The following CCDC158 variants were observed in gnomAD, a reference collection of about 807,000 sequenced individuals.
CCDC158 encodes coiled-coil domain-containing protein 158.
In CCDC158, 116 loss-of-function variants were observed where a neutral mutation model predicts 138.6. The observed-to-expected ratio is 0.84, with a 90% CI of 0.72 to 0.98. CCDC158 has a LOEUF of 0.98. Ranked by LOEUF, CCDC158 falls within the 50% of genes least tolerant of loss-of-function variation. The probability of loss-of-function intolerance (pLI) is 0.00; values close to 1 mark genes in which losing one functional copy is unlikely to be tolerated. For missense variants in CCDC158, 1,265 were observed against 1,306.1 expected, an observed-to-expected ratio of 0.97 and a Z score of 0.48; for synonymous variants, 436 against 442.4, an observed-to-expected ratio of 0.99 and a Z score of 0.18.
At chr4:76,357,594 TA>T in intron 13 of CCDC158, 68 bp from the exon 14 acceptor site, 1 of 979,818 alleles carries the variant, frequency 1.0e-6, no homozygotes. Context: ...AAGTATATTT[TA>T]TTTGTAATTA....
intron 18 of CCDC158, among the ~76,000 whole-genome samples, chr4:76,341,903 A>G (rs1722084338): frequency 6.6e-6 from 1 of 152,224 alleles, no homozygotes; most frequent in Non-Finnish European, 1.5e-5. Context: ...GACTAATGAA[A>G]TACAATAATA....
intron 22 of CCDC158, among the ~76,000 whole-genome samples, chr4:76,326,754 A>T (rs1233798003): frequency 6.6e-6 from 1 of 152,164 alleles, no homozygotes; most frequent in East Asian, 1.9e-4. Flanking sequence ...CAAAGTGAAG[A>T]AAAAAATGCC....
At position 76,396,519 on chromosome 4, in the gene CCDC158, C is replaced by T. The variant is rs9991062; in HGVS notation, c.71-33G>A. 8,610 of 1,546,228 alleles carry T rather than the reference C, an allele frequency of 5.6e-3. 385 individuals are homozygous for T. In the African/African-American group the frequency reaches 0.1, roughly 18 times the overall value. ...TTAAAGAATTCATTAATTAACTTTT[C>T]GTTTTTTTTGAGAAGGAGTTTCACT... is the stretch of plus-strand genomic sequence containing the variant. On this transcript the variant is annotated intron_variant, in intron 3 of 24. Transcript: ENST00000682701.
intron 2 of CCDC158, among the ~76,000 whole-genome samples, chr4:76,410,956 A>G (rs771914067): frequency 1.3e-5 from 2 of 152,220 alleles, no homozygotes; most frequent in Non-Finnish European, 2.9e-5. Context: ...TATACAGCTT[A>G]AAAGGTAAAA....
chr4:76,345,098 C>T (rs998191389), intron 18 of CCDC158: 6 of 1,251,940 alleles, frequency 4.8e-6, no homozygotes, highest in Admixed American at 1.7e-5. Flanking sequence ...AAATTGTTGC[C>T]GATGTCTATA....
chr4:76,408,904 T>C (rs1729061016), intron 2 of CCDC158, among the ~76,000 whole-genome samples: 2 of 152,224 alleles, frequency 1.3e-5, no homozygotes, highest in Non-Finnish European at 2.9e-5. Flanking sequence ...TGGTATCTCA[T>C]TGTGGTTTTG....
At chr4:76,319,549 A>G (rs1016102439) in intron 24 of CCDC158, among the ~76,000 whole-genome samples, 3 of 140,194 alleles carry the variant, frequency 2.1e-5, no homozygotes, top group African/African-American at 8.0e-5. Flanking sequence ...ACAACAAAAT[A>G]TTAGCTAACT....
At chr4:76,409,160 A>G (rs1242029333) in intron 2 of CCDC158, among the ~76,000 whole-genome samples, 1 of 152,130 alleles carries the variant, frequency 6.6e-6, no homozygotes, top group East Asian at 1.9e-4. Context: ...AATATTTGTA[A>G]TTCATTTTCA....
chr4:76,338,131 A>C (rs1429282337), intron 18 of CCDC158, among the ~76,000 whole-genome samples: 1 of 152,120 alleles, frequency 6.6e-6, no homozygotes, highest in East Asian at 1.9e-4. Context: ...TAGGTTGCAC[A>C]CTCCTTATGG....
rs771599710 is a variant in CCDC158 at position 76,384,206 on chromosome 4, T to C, written c.608A>G (p.Lys203Arg). The C allele has an allele frequency of 3.7e-6, 6 of 1,614,052 alleles. No individual in the cohort carries two copies. In the African/African-American group the frequency reaches 8.0e-5, roughly 22 times the overall value. Residue 203 changes from lysine to arginine, a missense_variant, in exon 6 of 25, where the codon AAA becomes AGA. By Grantham distance (26) the Lys-to-Arg change is conservative. Coordinates refer to ENST00000682701, the MANE Select transcript of CCDC158 (RefSeq NM_001394954.1). ...LVDFEEASGKKICEHDSMSTL... is the reference protein window; with the variant it reads ...LVDFEEASGKRICEHDSMSTL... ...AGACATGCTGTCATGTTCACATATT[T>C]TTTTGCCTGAGGCTTCTTCAAAGTC... is the stretch of plus-strand genomic sequence containing the variant.
intron 3 of CCDC158, among the ~76,000 whole-genome samples, chr4:76,397,388 A>C (rs923206919): frequency 3.9e-5 from 6 of 152,354 alleles, no homozygotes; most frequent in African/African-American, 1.2e-4. Context: ...ATGTATTCAA[A>C]AATAAAATTA....
chr4:76,318,118 A>G (rs560116121), intron 24 of CCDC158, among the ~76,000 whole-genome samples: 1 of 152,302 alleles, frequency 6.6e-6, no homozygotes, highest in Admixed American at 6.5e-5. Context: ...ACAAGAACAA[A>G]CTAAACCCAA....
At chr4:76,359,327 A>G (rs1723899029) in intron 13 of CCDC158, among the ~76,000 whole-genome samples, 2 of 152,242 alleles carry the variant, frequency 1.3e-5, no homozygotes, top group Non-Finnish European at 2.9e-5. Context: ...GAGGTAGGAT[A>G]CTGCTCTACA....
chr4:76,321,672 TTA>T (rs1001855138), intron 24 of CCDC158, among the ~76,000 whole-genome samples: 7 of 145,082 alleles, frequency 4.8e-5, no homozygotes, highest in Admixed American at 3.5e-4. Context: ...ATGTATATTT[TTA>T]TATATATATA....
chr4:76,375,772 C>T (rs1725663680), intron 9 of CCDC158: 2 of 576,408 alleles, frequency 3.5e-6, no homozygotes, highest in East Asian at 5.7e-5. Context: ...ACGAAAGCTA[C>T]ATCTCACATT....
rs1197329961 is a variant in CCDC158, at chr4:76,409,170, A to G, written c.-74+2920T>C. 5.9e-5 allele frequency among the ~76,000 whole-genome samples: 9 copies of G among 152,156 alleles called. No homozygotes were observed. In the East Asian group the frequency reaches 1.7e-3, roughly 29 times the overall value. ...TAAATAATATTTGTAATTCATTTTC[A>G]CTATTTTAGACTGACCATATATCCT... On this transcript the variant is annotated intron_variant, in intron 2 of 24. Coordinates refer to ENST00000682701, the MANE Select transcript of CCDC158 (RefSeq NM_001394954.1).
chr4:76,371,763 T>C (rs9992038), intron 9 of CCDC158, among the ~76,000 whole-genome samples: 4,455 of 151,818 alleles, frequency 0.029, 221 homozygotes, highest in African/African-American at 0.1. Flanking sequence ...CATGGCAAAA[T>C]CCCGTCTCTA....
intron 12 of CCDC158, among the ~76,000 whole-genome samples, 174 bp downstream of exon 12, chr4:76,367,120 T>G (rs1219341475): frequency 7.0e-6 from 1 of 143,846 alleles, no homozygotes; most frequent in Non-Finnish European, 1.5e-5. Context: ...ATTCCTTCTA[T>G]AATCTGATAA....
At chr4:76,315,284 C>T (rs772358580) in intron 24 of CCDC158, among the ~76,000 whole-genome samples, 4 of 152,206 alleles carry the variant, frequency 2.6e-5, no homozygotes, top group Non-Finnish European at 4.4e-5. Context: ...AGTCTGAGCT[C>T]AGACCCACCT....
Sources: gnomAD v4.1 joint callset for allele counts (sites outside exome capture counted in the v4.1 genomes callset) on GRCh38, gnomAD v4.1.1 for gene constraint, MANE v1.5 for transcripts, NCBI Gene and HGNC (gene_info 2026-07-23, HGNC 2026-07-21) for gene names.